Variants in DENND4A observed in about 807,000 individuals in gnomAD.
DENND4A encodes DENN domain containing 4A.
Under a neutral mutation model 199.3 loss-of-function variants are expected in DENND4A, and 70 were observed. The observed-to-expected ratio is 0.35, with a 90% CI of 0.29 to 0.43. The LOEUF (loss-of-function observed/expected upper bound fraction) is 0.43, where lower values mean the gene tolerates loss of function less well. DENND4A is among the 20% of genes least tolerant of loss of function. The probability of loss-of-function intolerance (pLI) is 1.00; values close to 1 mark genes in which losing one functional copy is unlikely to be tolerated. For synonymous variants in DENND4A, 686 were observed against 766.9 expected, an observed-to-expected ratio of 0.89 and a Z score of 1.74; for missense variants, 1,723 against 2,255.8, an observed-to-expected ratio of 0.76 and a Z score of 4.78.
chr15:65,741,446 T>G (rs2076259143), intron 5 of DENND4A, among the ~76,000 whole-genome samples: 1 of 152,230 alleles, frequency 6.6e-6, no homozygotes, highest in Non-Finnish European at 1.5e-5. Context: ...TTTTACCATA[T>G]TTCTGCTGAT....
At position 65,659,889 on chromosome 15, in the gene DENND4A, TTTGAAATCAA is replaced by T. The variant is rs780143955; in HGVS notation, c.*1952_*1961del. 41 of 157,934 alleles carry T rather than the reference TTTGAAATCAA, an allele frequency of 2.6e-4. 1 individual carries two copies. Among genetic ancestry groups the T allele is most frequent in the Non-Finnish European group, 4.7e-4 (34 of 71,788 alleles). The allele number at this position is 157,934 out of a possible 1,614,324, so 9.8% of individuals were successfully genotyped here. ...GGTTTTACTCATTCTTTGTCAGCCA[TTTGAAATCAA>T]TAAACTATGATTCCTACATTTTGTT... is the stretch of plus-strand genomic sequence containing the variant. On this transcript the variant is annotated 3_prime_UTR_variant, in exon 33 of 33. Coordinates refer to ENST00000443035, the MANE Select transcript of DENND4A (RefSeq NM_001320835.1).
intron 1 of DENND4A, among the ~76,000 whole-genome samples, chr15:65,782,533 T>C (rs945506861): frequency 2.0e-5 from 3 of 152,192 alleles, no homozygotes; most frequent in Non-Finnish European, 4.4e-5. Context: ...AACTGCAGCT[T>C]TGTCATTTAC....
At chr15:65,700,104 C>A (rs559593108) in intron 20 of DENND4A, among the ~76,000 whole-genome samples, 1 of 152,148 alleles carries the variant, frequency 6.6e-6, no homozygotes, top group African/African-American at 2.4e-5. Flanking sequence ...AGCTTCCCCC[C>A]ATGATAATAC....
chr15:65,742,431 G>A (rs1447274367), intron 4 of DENND4A, among the ~76,000 whole-genome samples: 2 of 151,228 alleles, frequency 1.3e-5, no homozygotes, highest in Non-Finnish European at 2.9e-5. Flanking sequence ...TTACAGGCAC[G>A]TGCCACCATG....
In DENND4A at chr15:65,709,719, A is replaced by AATAT. The variant is rs1555422997; in HGVS notation, c.1954-3499_1954-3496dup. 5.5e-3 allele frequency among the ~76,000 whole-genome samples: 285 copies of AATAT among 51,456 alleles called. 7 individuals carry two copies. The highest frequency in any genetic ancestry group is 0.016 in the African/African-American group (157 of 9,964). 33.8% of individuals were successfully genotyped at this position (51,456 alleles called of 152,430 possible). ...TCAAAAAAAAAAAAAAAAAAAAAAA[A>AATAT]ATATATATATATATATATATATAAT... On this transcript the variant is annotated intron_variant, in intron 14 of 32. Transcript: ENST00000443035.
At chr15:65,682,543 CCACT>C (rs2076615627) in intron 23 of DENND4A, among the ~76,000 whole-genome samples, 1 of 152,160 alleles carries the variant, frequency 6.6e-6, no homozygotes, top group Admixed American at 6.5e-5. Context: ...TCTATCCAGA[CCACT>C]CAAACTTTCT....
chr15:65,704,647 G>A (rs902494378), intron 15 of DENND4A, among the ~76,000 whole-genome samples: 4 of 152,156 alleles, frequency 2.6e-5, no homozygotes, highest in Non-Finnish European at 5.9e-5. Context: ...CTGGAGTGCA[G>A]TGGCACGATC....
chr15:65,698,401 C>G (rs1266774031), intron 20 of DENND4A, among the ~76,000 whole-genome samples: 3 of 152,132 alleles, frequency 2.0e-5, no homozygotes, highest in Non-Finnish European at 4.4e-5. Context: ...AATCCTAGTT[C>G]TCTATCTTAG....
chr15:65,754,556 A>G (rs1218641923), intron 3 of DENND4A, among the ~76,000 whole-genome samples: 2 of 152,252 alleles, frequency 1.3e-5, no homozygotes, highest in African/African-American at 2.4e-5. Flanking sequence ...ATATATTAAG[A>G]ACTCTTATAG....
intron 30 of DENND4A, chr15:65,664,998 G>T: frequency 2.2e-6 from 1 of 455,734 alleles, no homozygotes; most frequent in Non-Finnish European, 3.8e-6. Context: ...CAGCAGCCTG[G>T]GATGGAAACA....
intron 14 of DENND4A, among the ~76,000 whole-genome samples, chr15:65,711,191 G>A (rs1567033064): frequency 1.3e-5 from 2 of 152,166 alleles, no homozygotes. Context: ...AAAGAGCTAT[G>A]ACATTATCTC....
chr15:65,737,003 A>C (rs1294070615), intron 7 of DENND4A, among the ~76,000 whole-genome samples: 1 of 152,238 alleles, frequency 6.6e-6, no homozygotes, highest in Non-Finnish European at 1.5e-5. Flanking sequence ...TATATTGCCA[A>C]AGGAAAAAAA....
At chr15:65,705,622 GA>G (rs2075022417) in intron 15 of DENND4A, among the ~76,000 whole-genome samples, 1 of 152,030 alleles carries the variant, frequency 6.6e-6, no homozygotes, top group Non-Finnish European at 1.5e-5. Context: ...TAAAACTCAT[GA>G]AAAAAATTAG....
chr15:65,684,182 C>T (rs1246911859), intron 23 of DENND4A, among the ~76,000 whole-genome samples: 4 of 152,096 alleles, frequency 2.6e-5, no homozygotes, highest in Admixed American at 6.5e-5. Context: ...TATGATTATT[C>T]ACATAAAATC....
chr15:65,661,666 T>C lies in DENND4A; in HGVS notation c.*185A>G. The C allele has an allele frequency of 2.3e-6, 1 of 427,586 alleles. No individual in the cohort carries two copies. The highest frequency in any genetic ancestry group is 4.1e-5 in the Admixed American group (1 of 24,516). The allele number at this position is 427,586 out of a possible 1,614,324, so 26.5% of individuals were successfully genotyped here. ...AAGAAAAAAGAAATGAGAAACAAAG[T>C]GGCTTTCTCCCCACTTGTCACTATT... On this transcript the variant is annotated 3_prime_UTR_variant, in exon 33 of 33. Transcript: ENST00000443035.
At chr15:65,770,535 G>T (rs1366911907) in intron 1 of DENND4A, among the ~76,000 whole-genome samples, 1 of 151,982 alleles carries the variant, frequency 6.6e-6, no homozygotes, top group African/African-American at 2.4e-5. Flanking sequence ...ATAGCAAAAT[G>T]ATATTCTACA....
Position 65,756,337 on chromosome 15 carries a change from T to C in DENND4A, c.114A>G (p.Val38=). 3 of 1,613,942 alleles carry C rather than the reference T, an allele frequency of 1.9e-6. No individual in the cohort carries two copies. The highest frequency in any genetic ancestry group is 2.5e-6 in the Non-Finnish European group (3 of 1,179,840). The change falls in exon 3 of 33, where the codon GTA becomes GTG. Residue 38 remains valine, a synonymous_variant. Coordinates refer to ENST00000443035, the MANE Select transcript of DENND4A (RefSeq NM_001320835.1). ...CTGTAATAGGTTCTTTTGGTTTAGCTACTTTATGACAAGCATCATTGAAGT... is the reference window on the plus strand; with the variant it reads ...CTGTAATAGGTTCTTTTGGTTTAGCCACTTTATGACAAGCATCATTGAAGT... ...EIHFNDACHK[V]AKPKEPITDV...
chr15:65,660,466 T>TGGCTA lies in DENND4A; in HGVS notation c.*1380_*1384dup. On this transcript the variant is annotated 3_prime_UTR_variant, in exon 33 of 33. Coordinates refer to ENST00000443035, the MANE Select transcript of DENND4A (RefSeq NM_001320835.1). Reference sequence around the variant, plus strand: ...TATCCATTTTTTCCTTCTTTAAAGCTGGCTAGGGAATTCCTTCACTAATGA... The same window carrying TGGCTA: ...TATCCATTTTTTCCTTCTTTAAAGCTGGCTAGGCTAGGGAATTCCTTCACTAATGA... 1.8e-6 allele frequency: 1 copy of TGGCTA among 556,710 alleles called. No individual in the cohort carries two copies. Among genetic ancestry groups the TGGCTA allele is most frequent in the Non-Finnish European group, 3.1e-6 (1 of 317,520 alleles). 34.5% of individuals were successfully genotyped at this position (556,710 alleles called of 1,614,324 possible).
chr15:65,752,340 A>C, intron 4 of DENND4A, 39 bp downstream of exon 4: 2 of 1,032,116 alleles, frequency 1.9e-6, no homozygotes, highest in Non-Finnish European at 2.6e-6. Flanking sequence ...TGCTCTTTTC[A>C]TCAGTGGTTA....
Sources: gnomAD v4.1 joint callset for allele counts (sites outside exome capture counted in the v4.1 genomes callset) on GRCh38, gnomAD v4.1.1 for gene constraint, MANE v1.5 for transcripts, NCBI Gene and HGNC (gene_info 2026-07-23, HGNC 2026-07-21) for gene names.